Variants in LARS2 observed in about 807,000 individuals in gnomAD.
The protein encoded by LARS2 is leucine--tRNA ligase, mitochondrial.
Under a neutral mutation model 116.6 loss-of-function variants are expected in LARS2, and 81 were observed. The ratio of observed to expected loss-of-function variants is 0.69; its 90% CI spans 0.58 to 0.84. The LOEUF is 0.84. Among genes scored for constraint, LARS2 ranks in the 40% least tolerant of loss-of-function variants. The pLI is 0.00. For missense variants in LARS2, 968 were observed against 1,114.5 expected, an observed-to-expected ratio of 0.87 and a Z score of 1.87; for synonymous variants, 396 against 407.2, an observed-to-expected ratio of 0.97 and a Z score of 0.33.
At chr3:45,400,419 G>T (rs1698126734) in intron 4 of LARS2, 46 bp downstream of exon 4, 1 of 1,556,580 alleles carries the variant, frequency 6.4e-7, no homozygotes, top group South Asian at 1.2e-5. Context: ...GCCACACGCA[G>T]GGTTGGCATG....
intron 13 of LARS2, 128 bp from the exon 14 acceptor site, chr3:45,496,147 C>T (rs1164590990): frequency 8.3e-6 from 6 of 721,666 alleles, no homozygotes; most frequent in Admixed American, 2.3e-5. Flanking sequence ...GCGTGAGCCA[C>T]CACACCCAGC....
chr3:45,471,661 A>G (rs1206581028), intron 8 of LARS2, among the ~76,000 whole-genome samples: 6 of 152,184 alleles, frequency 3.9e-5, no homozygotes, highest in Non-Finnish European at 8.8e-5. Flanking sequence ...TGTGGATTTG[A>G]TATGATGGAA....
intron 19 of LARS2, among the ~76,000 whole-genome samples, chr3:45,521,691 T>C (rs1486423126): frequency 1.3e-5 from 2 of 151,988 alleles, no homozygotes; most frequent in Non-Finnish European, 2.9e-5. Flanking sequence ...AGCCAATACA[T>C]TTGTGGAGAA....
chr3:45,444,831 TTA>T (rs1255094470), intron 6 of LARS2, among the ~76,000 whole-genome samples: 1 of 150,854 alleles, frequency 6.6e-6, no homozygotes, highest in Admixed American at 6.6e-5. Flanking sequence ...ATAATATATA[TTA>T]TGTGTTATAT....
chr3:45,474,619 A>AT (rs1211108241), intron 9 of LARS2, among the ~76,000 whole-genome samples: 1 of 152,198 alleles, frequency 6.6e-6, no homozygotes, highest in Non-Finnish European at 1.5e-5. Flanking sequence ...AAGAGTTTAC[A>AT]TTTTAGTACA....
intron 15 of LARS2, among the ~76,000 whole-genome samples, chr3:45,507,954 C>A (rs532325218): frequency 6.6e-6 from 1 of 152,142 alleles, no homozygotes; most frequent in South Asian, 2.1e-4. Flanking sequence ...TTCAGCTTCC[C>A]TCCTTCCGGT....
At chr3:45,405,698 TTAGACCATGC>T (rs1171637734) in intron 4 of LARS2, among the ~76,000 whole-genome samples, 1 of 152,114 alleles carries the variant, frequency 6.6e-6, no homozygotes, top group Non-Finnish European at 1.5e-5. Flanking sequence ...TCAGGAAAAA[TTAGACCATGC>T]TGCTATAATA....
chr3:45,436,794 C>T (rs539519398), intron 6 of LARS2, among the ~76,000 whole-genome samples: 5 of 88,564 alleles, frequency 5.6e-5, no homozygotes, highest in South Asian at 4.7e-4. Flanking sequence ...GAGCGAGACT[C>T]GTCTCAAAAA....
chr3:45,521,539 G>A (rs531202222), intron 19 of LARS2, among the ~76,000 whole-genome samples: 10 of 152,218 alleles, frequency 6.6e-5, no homozygotes, highest in African/African-American at 2.4e-4. Flanking sequence ...GACATTTTCA[G>A]TATGTTAAAA....
rs1231381165 is a variant in LARS2, at chr3:45,400,371, C to G, written c.361C>G (p.Gln121Glu). ...IARFQKMRGM[Q>E]VINPMGWDAF... is the part of the protein sequence containing the mutation. ...ACGGTTCCAGAAGATGAGAGGGATG[C>G]AGGTAAGAACAGGTGCCTGCTGGAG... The change falls in exon 4 of 22, where the codon CAG (glutamine) becomes GAG (glutamate). Residue 121 changes from glutamine to glutamate, a missense_variant and splice_region_variant. Coordinates refer to ENST00000645846, the MANE Select transcript of LARS2 (RefSeq NM_015340.4). The G allele has an allele frequency of 6.2e-7, 1 of 1,601,444 alleles. No homozygotes were observed.
At position 45,442,143 on chromosome 3, in the gene LARS2, C is replaced by T. The variant is rs368749631; in HGVS notation, c.517-4748C>T. Reference sequence around the variant, plus strand: ...GAAAACAATGGTGCATTAACGTAGGCGTTGGCTTATTTGAAAAGCAGGCCA... The same window carrying T: ...GAAAACAATGGTGCATTAACGTAGGTGTTGGCTTATTTGAAAAGCAGGCCA... On this transcript the variant is annotated intron_variant, in intron 6 of 21. Transcript: ENST00000645846. 5.3e-5 allele frequency among the ~76,000 whole-genome samples: 8 copies of T among 152,138 alleles called. No individual in the cohort carries two copies. In the East Asian group the frequency reaches 5.8e-4, roughly 11 times the overall value.
chr3:45,395,036 C>T (rs1321882049), intron 3 of LARS2, among the ~76,000 whole-genome samples: 1 of 152,200 alleles, frequency 6.6e-6, no homozygotes, highest in Non-Finnish European at 1.5e-5. Context: ...TGGGGAAGCT[C>T]ATCAAAATAG....
rs1167704338 is a variant in LARS2 at position 45,466,710 on chromosome 3, G to A, written c.751-7533G>A. 4.6e-5 allele frequency among the ~76,000 whole-genome samples: 7 copies of A among 152,006 alleles called. No individual in the cohort carries two copies. The East Asian group carries it at 1.2e-3, about 25-fold the overall frequency. ...CTTGGGTCTCCTCAGTCCCAGTCCT[G>A]CCTTCTTTTTTATTATTATTATTTG... On this transcript the variant is annotated intron_variant, in intron 8 of 21. Transcript: ENST00000645846.
At chr3:45,521,372 C>T (rs547069593) in intron 19 of LARS2, among the ~76,000 whole-genome samples, 16 of 152,136 alleles carry the variant, frequency 1.1e-4, no homozygotes, top group Admixed American at 5.2e-4. Context: ...TGTAGCTACT[C>T]GGGAAGCTGA....
At position 45,458,819 on chromosome 3, in the gene LARS2, G is replaced by A. The variant is rs770440975; in HGVS notation, c.683G>A (p.Arg228His). The change falls in exon 8 of 22, where the codon CGT (arginine) becomes CAT (histidine). Residue 228 changes from arginine to histidine, a missense_variant. Coordinates refer to ENST00000645846, the MANE Select transcript of LARS2 (RefSeq NM_015340.4). The part of the protein sequence containing the change: ...EQVDEHGCSW[R>H]SGAKVEQKYL... ...GTGGATGAACATGGCTGTTCATGGC[G>A]TTCTGGAGCAAAGGTGGAACAGAAG... 8 of 1,614,102 alleles carry A rather than the reference G, an allele frequency of 5.0e-6. No individual in the cohort carries two copies. The highest frequency in any genetic ancestry group is 4.5e-5 in the East Asian group (2 of 44,890).
intron 8 of LARS2, 63 bp from the exon 9 acceptor site, chr3:45,474,180 C>A: frequency 2.9e-6 from 3 of 1,025,898 alleles, no homozygotes; most frequent in South Asian, 1.5e-5. Flanking sequence ...AGCTGCAAAT[C>A]ATTTGCTTTT....
chr3:45,535,662 G>A (rs1382490799), intron 20 of LARS2, among the ~76,000 whole-genome samples: 2 of 152,082 alleles, frequency 1.3e-5, no homozygotes, highest in East Asian at 1.9e-4. Context: ...GCGCTAGGGA[G>A]CCTTGTGATG....
chr3:45,405,422 A>G (rs1698219068), intron 4 of LARS2, among the ~76,000 whole-genome samples: 1 of 152,208 alleles, frequency 6.6e-6, no homozygotes. Flanking sequence ...GATTGATTCA[A>G]TGGATGTTTT....
intron 20 of LARS2, among the ~76,000 whole-genome samples, chr3:45,536,840 G>C (rs1170600082): frequency 6.6e-6 from 1 of 152,232 alleles, no homozygotes; most frequent in Non-Finnish European, 1.5e-5. Flanking sequence ...AGAAGCATGT[G>C]GTGGATGGAT....
Sources: gnomAD v4.1 joint callset for allele counts (sites outside exome capture counted in the v4.1 genomes callset) on GRCh38, gnomAD v4.1.1 for gene constraint, MANE v1.5 for transcripts, NCBI Gene and HGNC (gene_info 2026-07-23, HGNC 2026-07-21) for gene names.